ZNF385D: variants seen among roughly 807,000 people sequenced by gnomAD.
The protein encoded by ZNF385D is zinc finger protein 659.
Under a neutral mutation model 35.8 loss-of-function variants are expected in ZNF385D, and 15 were observed. The observed-to-expected ratio is 0.42, with a 90% confidence interval of 0.28 to 0.64. The LOEUF is 0.64. ZNF385D is among the 30% of genes least tolerant of loss of function. ZNF385D has a pLI of 0.23. For synonymous variants in ZNF385D, 212 were observed against 186.8 expected, an observed-to-expected ratio of 1.13 and a Z score of -1.10; for missense variants, 474 against 494.6, an observed-to-expected ratio of 0.96 and a Z score of 0.39.
rs555020383 is a variant in ZNF385D at position 22,079,568 on chromosome 3, G to A, written c.325+89249C>T. Among the ~76,000 whole-genome samples, 11 of 151,874 alleles carry A rather than the reference G, an allele frequency of 7.2e-5. No homozygotes were observed. In the East Asian group the frequency reaches 7.7e-4, roughly 11 times the overall value. On this transcript the variant is annotated intron_variant, in intron 3 of 5. Transcript: ENST00000494108. ...AACAAAAAAGTTCCCTCACCATTTCGCAAAGCAGGTCAGAGCTTTTTTATT... is the reference window on the plus strand; with the variant it reads ...AACAAAAAAGTTCCCTCACCATTTCACAAAGCAGGTCAGAGCTTTTTTATT...
chr3:22,184,064 G>C (rs1424706083), intron 2 of ZNF385D, among the ~76,000 whole-genome samples: 1 of 152,104 alleles, frequency 6.6e-6, no homozygotes, highest in Admixed American at 6.6e-5. Context: ...ACTTTTAGGA[G>C]TTCTGATCAT....
Position 21,732,127 on chromosome 3 carries a change from G to A in ZNF385D, c.22+18768C>T, listed in dbSNP as rs187444709. Among the ~76,000 whole-genome samples the A allele has an allele frequency of 5.6e-3, 747 of 132,638 alleles. 4 individuals are homozygous for A. The highest frequency in any genetic ancestry group is 0.029 in the Middle Eastern group (6 of 210). 87.0% of individuals were successfully genotyped at this position (132,638 alleles called of 152,430 possible). ...TTGAGTGCAGTGGCGCGAGCTCACT[G>A]CAACCTCCGCCTCCCAGGTTCAAGT... On this transcript the variant is annotated intron_variant, in intron 1 of 7. Transcript: ENST00000281523.
rs553245035 is a variant in ZNF385D at position 21,762,934 on chromosome 3, C to T, written c.326-97906G>A. On this transcript the variant is annotated intron_variant, in intron 3 of 5. Coordinates refer to the ZNF385D transcript ENST00000494108. ...CAGCTCAACTTCCTCTTCTCCCTTCCACAGTGCTGACCTAGAGCCCTCCCT... is the reference window on the plus strand; with the variant it reads ...CAGCTCAACTTCCTCTTCTCCCTTCTACAGTGCTGACCTAGAGCCCTCCCT... 7.8e-4 allele frequency among the ~76,000 whole-genome samples: 119 copies of T among 152,290 alleles called. 1 individual carries two copies. In the Middle Eastern group the frequency reaches 0.01, roughly 13 times the overall value.
intron 3 of ZNF385D, among the ~76,000 whole-genome samples, chr3:22,072,846 C>G (rs1477573199): frequency 2.0e-5 from 3 of 151,924 alleles, no homozygotes; most frequent in African/African-American, 7.2e-5. Context: ...TCTTAGTGTC[C>G]TAGAATACAT....
intron 1 of ZNF385D, among the ~76,000 whole-genome samples, chr3:21,715,687 A>G (rs774676438): frequency 1.3e-5 from 2 of 152,036 alleles, no homozygotes; most frequent in Middle Eastern, 3.2e-3. Context: ...ACTGTTTTCC[A>G]TAGTGTTTCA....
chr3:21,485,168 A>C (rs972845794), intron 4 of ZNF385D, among the ~76,000 whole-genome samples: 1 of 152,142 alleles, frequency 6.6e-6, no homozygotes, highest in African/African-American at 2.4e-5. Context: ...AAACTGAATT[A>C]TTTGCTAGAA....
intron 2 of ZNF385D, among the ~76,000 whole-genome samples, chr3:22,313,501 G>A (rs1703705192): frequency 6.6e-6 from 1 of 152,042 alleles, no homozygotes; most frequent in Non-Finnish European, 1.5e-5. Flanking sequence ...TGGTGTGGGA[G>A]AAATTCAATG....
intron 3 of ZNF385D, among the ~76,000 whole-genome samples, chr3:21,964,095 A>G (rs1264243227): frequency 6.6e-6 from 1 of 152,024 alleles, no homozygotes; most frequent in Non-Finnish European, 1.5e-5. Flanking sequence ...TTCCTACTTA[A>G]CCCTTCTAAT....
At chr3:22,298,058 G>A (rs1010460121) in intron 2 of ZNF385D, among the ~76,000 whole-genome samples, 1 of 151,962 alleles carries the variant, frequency 6.6e-6, no homozygotes, top group Non-Finnish European at 1.5e-5. Flanking sequence ...GTATGTTTCA[G>A]AACTTCTCCT....
At chr3:22,105,328 T>C (rs1702149335) in intron 3 of ZNF385D, among the ~76,000 whole-genome samples, 1 of 151,774 alleles carries the variant, frequency 6.6e-6, no homozygotes, top group South Asian at 2.1e-4. Context: ...CAGAGATCAG[T>C]TGTATTAGTC....
intron 3 of ZNF385D, among the ~76,000 whole-genome samples, chr3:22,012,805 A>G (rs1045096618): frequency 6.6e-6 from 1 of 152,116 alleles, no homozygotes; most frequent in Non-Finnish European, 1.5e-5. Context: ...GGAACTGGTA[A>G]TCAGCTCCTG....
intron 2 of ZNF385D, chr3:21,579,466 T>C (rs909364609): frequency 2.0e-4 from 31 of 152,208 alleles, no homozygotes; most frequent in Admixed American, 2.0e-3. Flanking sequence ...TTCTTCTGAC[T>C]TTACTGTTAA....
At chr3:21,788,732 A>C (rs1224721601) in intron 3 of ZNF385D, among the ~76,000 whole-genome samples, 2 of 152,190 alleles carry the variant, frequency 1.3e-5, no homozygotes, top group Admixed American at 6.5e-5. Context: ...CTTCCTCTCC[A>C]CTGTAAGACA....
At chr3:21,857,894 T>C (rs1331624479) in intron 3 of ZNF385D, among the ~76,000 whole-genome samples, 1 of 151,824 alleles carries the variant, frequency 6.6e-6, no homozygotes, top group Non-Finnish European at 1.5e-5. Flanking sequence ...TAAATAGCCA[T>C]GGAACAAATG....
At chr3:21,711,118 T>G (rs2130506) in intron 1 of ZNF385D, among the ~76,000 whole-genome samples, 73,624 of 143,974 alleles carry the variant, frequency 0.51, 19,261 homozygotes, top group South Asian at 0.63. Context: ...CTCGGCTCAC[T>G]GCAACTTCCG....
chr3:21,533,210 T>C (rs2061963773), intron 3 of ZNF385D, among the ~76,000 whole-genome samples: 1 of 152,098 alleles, frequency 6.6e-6, no homozygotes. Flanking sequence ...GACTGGGAAA[T>C]AAGCACTTCA....
intron 3 of ZNF385D, among the ~76,000 whole-genome samples, chr3:21,972,866 C>A (rs373194164): frequency 2.6e-5 from 4 of 151,726 alleles, no homozygotes; most frequent in East Asian, 1.9e-4. Context: ...AAGATTGAAC[C>A]GTGAAGAAAT....
chr3:21,966,886 G>T (rs1702945017), intron 3 of ZNF385D, among the ~76,000 whole-genome samples: 1 of 152,198 alleles, frequency 6.6e-6, no homozygotes, highest in South Asian at 2.1e-4. Flanking sequence ...TTATGGGCTT[G>T]AGCCACAGCC....
At position 22,307,119 on chromosome 3, in the gene ZNF385D, G is replaced by A. The variant is rs370135345; in HGVS notation, c.106+65331C>T. Among the ~76,000 whole-genome samples the A allele has an allele frequency of 1.7e-4, 26 of 152,108 alleles. No individual in the cohort carries two copies. The South Asian group carries it at 1.9e-3, about 11-fold the overall frequency. ...ACAGGAATAGTCCCAAAGTTTCTGC[G>A]CCCTAAAAGGAGTTGAATCCTAAAA... On this transcript the variant is annotated intron_variant, in intron 2 of 5. Transcript: ENST00000494108.
Sources: gnomAD v4.1 joint callset for allele counts (sites outside exome capture counted in the v4.1 genomes callset) on GRCh38, gnomAD v4.1.1 for gene constraint, MANE v1.5 for transcripts, NCBI Gene and HGNC (gene_info 2026-07-23, HGNC 2026-07-21) for gene names.